The following TOR1AIP2 variants were observed in gnomAD, a reference collection of about 807,000 sequenced individuals.
TOR1AIP2 encodes torsin-1A-interacting protein 2.
TOR1AIP2 carries 20 observed loss-of-function variants against 32.6 expected under a neutral mutation model. The observed-to-expected ratio is 0.61, with a 90% confidence interval of 0.43 to 0.89. TOR1AIP2 has a LOEUF of 0.89. TOR1AIP2 is among the 40% of genes least tolerant of loss of function. The pLI is 0.00. For missense variants in TOR1AIP2, 456 were observed against 553.8 expected, an observed-to-expected ratio of 0.82 and a Z score of 1.77; for synonymous variants, 214 against 210.8, an observed-to-expected ratio of 1.02 and a Z score of -0.13.
intron 3 of TOR1AIP2, among the ~76,000 whole-genome samples, chr1:179,856,656 G>A (rs559564152): frequency 3.9e-5 from 6 of 152,174 alleles, no homozygotes; most frequent in South Asian, 2.1e-4. Context: ...CTCACTCTTC[G>A]CATAGGCTGG....
At chr1:179,852,377 T>C (rs111480529) in intron 4 of TOR1AIP2, among the ~76,000 whole-genome samples, 69 of 152,270 alleles carry the variant, frequency 4.5e-4, no homozygotes, top group African/African-American at 1.6e-3. Flanking sequence ...TAAAGAAGCA[T>C]TGTATTTTTC....
chr1:179,872,247 T>C (rs187169299), intron 2 of TOR1AIP2, among the ~76,000 whole-genome samples: 1 of 152,312 alleles, frequency 6.6e-6, no homozygotes, highest in Non-Finnish European at 1.5e-5. Context: ...TTTCTATCTA[T>C]GTTGCTCTAA....
At position 179,845,621 on chromosome 1, in the gene TOR1AIP2, G is replaced by A. The variant is rs1320513530; in HGVS notation, c.*450C>T. ...AGTAAGGTTTGAAAATATTCAACATGTGATAGAAAAATTTTCTAAAGGTTA... is the reference window on the plus strand; with the variant it reads ...AGTAAGGTTTGAAAATATTCAACATATGATAGAAAAATTTTCTAAAGGTTA... On this transcript the variant is annotated 3_prime_UTR_variant, in exon 7 of 7. Coordinates refer to ENST00000609928, the MANE Select transcript of TOR1AIP2 (RefSeq NM_001199260.2). The A allele has an allele frequency of 2.0e-5, 3 of 153,322 alleles. No homozygotes were observed. The highest frequency in any genetic ancestry group is 2.0e-4 in the Admixed American group (3 of 15,370). 9.5% of individuals were successfully genotyped at this position (153,322 alleles called of 1,614,324 possible).
In TOR1AIP2 at chr1:179,851,264, G is replaced by A. The variant is rs751702177; in HGVS notation, c.134C>T (p.Ser45Phe). The A allele has an allele frequency of 1.2e-6, 2 of 1,612,280 alleles. No homozygotes were observed. The highest frequency in any genetic ancestry group is 1.7e-6 in the Non-Finnish European group (2 of 1,180,028). ...SNAEEAEILH[S>F]ACGLSKDHQE... Reference sequence around the variant, plus strand: ...GTGGTCTTTGCTAAGACCACAGGCAGAGTGTAGGATCTCAGCTTCTTCAGC... The same window carrying A: ...GTGGTCTTTGCTAAGACCACAGGCAAAGTGTAGGATCTCAGCTTCTTCAGC... The change falls in exon 5 of 7, where the codon TCT becomes TTT. Residue 45 changes from serine (S) to phenylalanine (F), a missense_variant. Ser to Phe is a radical substitution (Grantham distance 155). Transcript: ENST00000609928.
chr1:179,841,174 A>G lies in TOR1AIP2; in HGVS notation c.*4897T>C, dbSNP rs1158270425. On this transcript the variant is annotated 3_prime_UTR_variant, in exon 7 of 7. Transcript: ENST00000609928. ...TCAACCAAGCATTTGCCATAAAGAT[A>G]AGCATCAACTTTCCCATTGGACAAG... 6.6e-6 allele frequency: 1 copy of G among 152,224 alleles called. No individual in the cohort carries two copies. Among genetic ancestry groups the G allele is most frequent in the African/African-American group, 2.4e-5 (1 of 41,462 alleles). 9.4% of individuals were successfully genotyped at this position (152,224 alleles called of 1,614,324 possible).
At chr1:179,860,779 C>CA in intron 3 of TOR1AIP2, 1 of 985,388 alleles carries the variant, frequency 1.0e-6, no homozygotes, top group Non-Finnish European at 1.2e-6. Context: ...CTATAAAAAG[C>CA]AATTTTCAAG....
rs1695676791 is a variant in TOR1AIP2, at chr1:179,840,156, ATTGAGTTT to A, written c.*5907_*5914del. 6.6e-6 allele frequency: 1 copy of A among 152,240 alleles called. No homozygotes were observed. The highest frequency in any genetic ancestry group is 2.4e-5 in the African/African-American group (1 of 41,460). The allele number at this position is 152,240 out of a possible 1,614,324, so 9.4% of individuals were successfully genotyped here. ...GTTAAGCACAAATAAGCAAAATGCA[ATTGAGTTT>A]GAAAGTCAGTGTGCTGTTTCTTTTA... On this transcript the variant is annotated 3_prime_UTR_variant, in exon 7 of 7. Transcript: ENST00000609928.
At chr1:179,875,483 G>C (rs1206596640) in intron 2 of TOR1AIP2, 1 of 152,126 alleles carries the variant, frequency 6.6e-6, no homozygotes, top group Non-Finnish European at 1.5e-5. Context: ...AAACCAGACA[G>C]CTTCATTTAT....
chr1:179,858,432 T>TA (rs150664953), intron 3 of TOR1AIP2, among the ~76,000 whole-genome samples: 1 of 152,036 alleles, frequency 6.6e-6, no homozygotes, highest in Non-Finnish European at 1.5e-5. Context: ...AAAGTTTCCT[T>TA]AAAAAAATAA....
Position 179,850,889 on chromosome 1 carries a change from C to T in TOR1AIP2, c.509G>A (p.Gly170Glu). 3 of 1,614,146 alleles carry T rather than the reference C, an allele frequency of 1.9e-6. No individual in the cohort carries two copies. Among genetic ancestry groups the T allele is most frequent in the Non-Finnish European group, 2.5e-6 (3 of 1,179,986 alleles). The change falls in exon 5 of 7, where the codon GGG becomes GAG. Residue 170 changes from glycine to glutamate, a missense_variant. Coordinates refer to ENST00000609928, the MANE Select transcript of TOR1AIP2 (RefSeq NM_001199260.2). ...EAQSPGHSSA[G>E]QEGEDTLRRR... ...CCTCAGTGTATCCTCACCCTCTTGC[C>T]CTGCACTGGAATGACCAGGACTCTG...
Position 179,846,048 on chromosome 1 carries a change from T to C in TOR1AIP2, c.*23A>G, listed in dbSNP as rs201603129. 242 of 1,598,064 alleles carry C rather than the reference T, an allele frequency of 1.5e-4. 1 individual carries two copies. In the African/African-American group the frequency reaches 2.8e-3, roughly 18 times the overall value. On this transcript the variant is annotated 3_prime_UTR_variant, in exon 7 of 7. Coordinates refer to ENST00000609928, the MANE Select transcript of TOR1AIP2 (RefSeq NM_001199260.2). ...AACTTTTTCATAAACATATACCTTC[T>C]GTAACCAACTCTGTGCTTAGCTTTA...
intron 2 of TOR1AIP2, among the ~76,000 whole-genome samples, chr1:179,870,637 G>A (rs995133270): frequency 2.0e-5 from 3 of 151,670 alleles, no homozygotes; most frequent in Non-Finnish European, 4.4e-5. Context: ...TTTAGTAATC[G>A]GATATGTAGA....
intron 2 of TOR1AIP2, chr1:179,875,819 T>C (rs1274252700): frequency 6.6e-6 from 1 of 152,230 alleles, no homozygotes; most frequent in Non-Finnish European, 1.5e-5. Flanking sequence ...CTCCAGTCTA[T>C]GCTCATTACC....
chr1:179,875,335 A>G (rs569101250), intron 2 of TOR1AIP2: 5 of 152,194 alleles, frequency 3.3e-5, no homozygotes, highest in African/African-American at 1.2e-4. Context: ...TTTCTTAATT[A>G]CAAAATGGAA....
At chr1:179,868,497 T>G (rs1051809466) in intron 2 of TOR1AIP2, 35 of 152,206 alleles carry the variant, frequency 2.3e-4, no homozygotes, top group Non-Finnish European at 4.4e-5. Flanking sequence ...TGGCATTACC[T>G]AGTAAAACTG....
In TOR1AIP2 at chr1:179,851,437, TTAA is replaced by T. The variant is rs531893289; in HGVS notation, c.35-77_35-75del. On this transcript the variant is annotated intron_variant, in intron 4 of 6. Coordinates refer to ENST00000609928, the MANE Select transcript of TOR1AIP2 (RefSeq NM_001199260.2). ...ATTTATATTTTAACAAGGTCCCTGT[TTAA>T]TAATAATATTTACATAGATTTTCAT... The T allele has an allele frequency of 1.3e-5, 15 of 1,120,604 alleles. No individual in the cohort carries two copies. The East Asian group carries it at 3.3e-4, about 24-fold the overall frequency. 69.4% of individuals were successfully genotyped at this position (1,120,604 alleles called of 1,614,324 possible).
rs1438868701 is a variant in TOR1AIP2, at chr1:179,851,201, G to T, written c.197C>A (p.Thr66Lys). 4 of 1,613,662 alleles carry T rather than the reference G, an allele frequency of 2.5e-6. No individual in the cohort carries two copies. The African/African-American group carries it at 5.3e-5, about 22-fold the overall frequency. ...ATCTGGACTTTCTGATTTATCACCT[G>T]TATCTGCACTTTCTGGACCTTCTGT... ...VETEGPESADTGDKSESPDEA... is the reference protein window; with the variant it reads ...VETEGPESADKGDKSESPDEA... Residue 66 changes from threonine to lysine, a missense_variant, in exon 5 of 7, where the codon ACA becomes AAA. Thr to Lys is a moderately conservative substitution (Grantham distance 78). Coordinates refer to ENST00000609928, the MANE Select transcript of TOR1AIP2 (RefSeq NM_001199260.2).
At chr1:179,866,192 T>C (rs1167273212) in intron 2 of TOR1AIP2, among the ~76,000 whole-genome samples, 1 of 151,978 alleles carries the variant, frequency 6.6e-6, no homozygotes. Context: ...GTGCCACATA[T>C]GGTATCCCCA....
chr1:179,876,084 T>A (rs551695279), intron 2 of TOR1AIP2: 1 of 152,202 alleles, frequency 6.6e-6, no homozygotes, highest in Non-Finnish European at 1.5e-5. Context: ...GTTGACTTAG[T>A]GAACAACCTC....
Sources: gnomAD v4.1 joint callset for allele counts (sites outside exome capture counted in the v4.1 genomes callset) on GRCh38, gnomAD v4.1.1 for gene constraint, MANE v1.5 for transcripts, NCBI Gene and HGNC (gene_info 2026-07-23, HGNC 2026-07-21) for gene names.